Variants in SHB observed in about 807,000 individuals in gnomAD.
The protein encoded by SHB is SH2 domain containing adaptor protein B.
In SHB, 20 loss-of-function variants were observed where a neutral mutation model predicts 52.3. That is an observed-to-expected ratio of 0.38 (90% CI 0.27 to 0.56). The LOEUF (loss-of-function observed/expected upper bound fraction) is 0.56, where lower values mean the gene tolerates loss of function less well. SHB is among the 20% of genes least tolerant of loss of function. The pLI, the probability that SHB is intolerant of heterozygous loss-of-function variation, is 0.71. For synonymous variants in SHB, 397 were observed against 316.5 expected (o/e 1.25, Z -2.70); for missense variants, 825 against 723.3 (o/e 1.14, Z -1.61).
chr9:38,015,543 G>A, intron 2 of SHB: 1 of 694,178 alleles, frequency 1.4e-6, no homozygotes, highest in Non-Finnish European at 2.6e-6. Context: ...TTCTCGGGAT[G>A]CGGCCAGAAA....
intron 3 of SHB, among the ~76,000 whole-genome samples, chr9:37,968,604 C>T (rs1050862689): frequency 2.0e-5 from 3 of 152,204 alleles, no homozygotes; most frequent in African/African-American, 7.2e-5. Flanking sequence ...GACAAAGCTT[C>T]AGATGGTGAA....
At chr9:38,053,231 G>A (rs1821774242) in intron 1 of SHB, among the ~76,000 whole-genome samples, 1 of 151,914 alleles carries the variant, frequency 6.6e-6, no homozygotes. Flanking sequence ...TTCTCCATCT[G>A]CAAAATCAGA....
chr9:38,057,425 T>C (rs1225166587), intron 1 of SHB, among the ~76,000 whole-genome samples: 1 of 152,252 alleles, frequency 6.6e-6, no homozygotes, highest in Admixed American at 6.5e-5. Flanking sequence ...ACTTATTATT[T>C]TCTATACCAA....
At chr9:38,029,734 G>C (rs1328738671) in intron 1 of SHB, among the ~76,000 whole-genome samples, 1 of 152,078 alleles carries the variant, frequency 6.6e-6, no homozygotes, top group African/African-American at 2.4e-5. Context: ...CAAGTGATAC[G>C]CCTGCCTCAG....
At chr9:37,982,981 C>CCA (rs1554702660) in intron 2 of SHB, among the ~76,000 whole-genome samples, 1 of 151,544 alleles carries the variant, frequency 6.6e-6, no homozygotes, top group African/African-American at 2.4e-5. Context: ...GTGCCCCCCC[C>CCA]TCCATCTTTT....
At chr9:38,065,126 G>C (rs1163492816) in intron 1 of SHB, among the ~76,000 whole-genome samples, 1 of 152,174 alleles carries the variant, frequency 6.6e-6, no homozygotes, top group Non-Finnish European at 1.5e-5. Context: ...GACTAAATGA[G>C]GTGCCAGAAG....
At chr9:37,996,964 T>C (rs1704026330) in intron 2 of SHB, among the ~76,000 whole-genome samples, 1 of 152,210 alleles carries the variant, frequency 6.6e-6, no homozygotes, top group Non-Finnish European at 1.5e-5. Flanking sequence ...ATGTGATCAA[T>C]CTGTGTGTCT....
At chr9:37,990,525 G>C (rs529762375) in intron 2 of SHB, among the ~76,000 whole-genome samples, 4 of 152,084 alleles carry the variant, frequency 2.6e-5, no homozygotes, top group African/African-American at 9.7e-5. Context: ...ATTTAGCACA[G>C]AAAACAAATG....
chr9:37,964,828 A>G (rs542451009), intron 3 of SHB, among the ~76,000 whole-genome samples: 14 of 152,260 alleles, frequency 9.2e-5, no homozygotes, highest in Admixed American at 3.3e-4. Context: ...AACAGAGACA[A>G]CTTGGCCCAG....
intron 1 of SHB, among the ~76,000 whole-genome samples, chr9:38,039,484 C>T (rs1012341426): frequency 6.6e-6 from 1 of 152,246 alleles, no homozygotes; most frequent in Non-Finnish European, 1.5e-5. Flanking sequence ...CACACCCATC[C>T]CACTTTGTGG....
intron 2 of SHB, among the ~76,000 whole-genome samples, chr9:38,008,735 G>A (rs55773241): frequency 0.43 from 65,322 of 151,914 alleles, 14,396 homozygotes; most frequent in Middle Eastern, 0.51. Context: ...CTGGGGGAGA[G>A]CTGTGACCAC....
intron 1 of SHB, among the ~76,000 whole-genome samples, chr9:38,065,376 A>G (rs959333477): frequency 6.6e-6 from 1 of 152,152 alleles, no homozygotes; most frequent in Non-Finnish European, 1.5e-5. Flanking sequence ...ACCCAGAGGG[A>G]CAGTTAAGGA....
intron 5 of SHB, among the ~76,000 whole-genome samples, chr9:37,932,955 C>A (rs1832330792): frequency 6.6e-6 from 1 of 152,174 alleles, no homozygotes; most frequent in Non-Finnish European, 1.5e-5. Flanking sequence ...TCTATAACAT[C>A]ATGGTGTATA....
At chr9:38,014,778 C>G (rs1004926214) in intron 2 of SHB, among the ~76,000 whole-genome samples, 13 of 148,436 alleles carry the variant, frequency 8.8e-5, no homozygotes, top group Non-Finnish European at 4.4e-5. Flanking sequence ...AGGCAGAGAA[C>G]AGCAAAGGCA....
At chr9:38,066,575 G>A (rs774938048) in intron 1 of SHB, among the ~76,000 whole-genome samples, 15 of 152,300 alleles carry the variant, frequency 9.8e-5, no homozygotes, top group Non-Finnish European at 1.8e-4. Flanking sequence ...CATCCTAGGT[G>A]CTTTAGAAAC....
rs749259021 is a variant in SHB at position 37,974,715 on chromosome 9, G to A, written c.961C>T (p.Arg321Trp). 2.1e-5 allele frequency: 34 copies of A among 1,613,916 alleles called. 1 individual carries two copies. The highest frequency in any genetic ancestry group is 2.1e-4 in the South Asian group (19 of 91,070). ...TCATCCTGGGGCAGCTTGCTCTCCC[G>A]CAGTCGGGGGCTGACTGTGCTCTCC... ...DSESTVSPRL[R>W]ESKLPQDDDR... The change falls in exon 3 of 6, where the codon CGG (arginine) becomes TGG (tryptophan). Residue 321 changes from arginine (R) to tryptophan (W), a missense_variant. Physicochemically the swap from Arg to Trp is moderately radical, Grantham distance 101. Transcript: ENST00000377707.
At chr9:38,026,375 C>T (rs1821344421) in intron 1 of SHB, among the ~76,000 whole-genome samples, 1 of 152,264 alleles carries the variant, frequency 6.6e-6, no homozygotes, top group Non-Finnish European at 1.5e-5. Context: ...TAATGATCAG[C>T]TGCAGAGGCG....
chr9:38,046,526 G>C (rs1382262413), intron 1 of SHB, among the ~76,000 whole-genome samples: 1 of 152,184 alleles, frequency 6.6e-6, no homozygotes, highest in Non-Finnish European at 1.5e-5. Context: ...ACATTCCTCT[G>C]AACATCTTGG....
chr9:37,979,663 C>G (rs1311847617), intron 2 of SHB, among the ~76,000 whole-genome samples: 2 of 151,624 alleles, frequency 1.3e-5, no homozygotes, highest in African/African-American at 4.8e-5. Context: ...AAAAAACAGG[C>G]CCCCCCACCA....
Sources: gnomAD v4.1 joint callset for allele counts (sites outside exome capture counted in the v4.1 genomes callset) on GRCh38, gnomAD v4.1.1 for gene constraint, MANE v1.5 for transcripts, NCBI Gene and HGNC (gene_info 2026-07-23, HGNC 2026-07-21) for gene names.